DIS3L2: variants seen among roughly 807,000 people sequenced by gnomAD.
The protein encoded by DIS3L2 is DIS3 like 3'-5' exoribonuclease 2.
Under a neutral mutation model 97.5 loss-of-function variants are expected in DIS3L2, and 34 were observed. The observed-to-expected ratio is 0.35, with a 90% CI of 0.27 to 0.46. DIS3L2 has a LOEUF of 0.46. Among genes scored for constraint, DIS3L2 ranks in the 20% least tolerant of loss-of-function variants. The pLI is 1.00. For missense variants in DIS3L2, 1,038 were observed against 1,146.0 expected, an observed-to-expected ratio of 0.91 and a Z score of 1.36; for synonymous variants, 435 against 445.2, an observed-to-expected ratio of 0.98 and a Z score of 0.29.
At chr2:232,316,161 C>A (rs1695269398) in intron 14 of DIS3L2, among the ~76,000 whole-genome samples, 1 of 152,154 alleles carries the variant, frequency 6.6e-6, no homozygotes, top group Non-Finnish European at 1.5e-5. Context: ...TTCACAGTAG[C>A]CTCCTGGGCA....
At chr2:232,219,322 G>C (rs1692431719) in intron 10 of DIS3L2, among the ~76,000 whole-genome samples, 1 of 152,114 alleles carries the variant, frequency 6.6e-6, no homozygotes, top group South Asian at 2.1e-4. Flanking sequence ...TCTACTTCCT[G>C]GTTGCTACCC....
chr2:232,187,663 G>A (rs959103886), intron 9 of DIS3L2, among the ~76,000 whole-genome samples: 8 of 151,848 alleles, frequency 5.3e-5, no homozygotes, highest in African/African-American at 1.5e-4. Context: ...GGATGGTCTC[G>A]ATCTCTTGAC....
chr2:231,987,667 T>A (rs1296922608), intron 1 of DIS3L2, among the ~76,000 whole-genome samples: 1 of 152,158 alleles, frequency 6.6e-6, no homozygotes, highest in Non-Finnish European at 1.5e-5. Flanking sequence ...AGGCCCAGCT[T>A]ATTTCCCTGG....
At chr2:232,034,160 C>G (rs898351025) in intron 5 of DIS3L2, among the ~76,000 whole-genome samples, 7 of 152,086 alleles carry the variant, frequency 4.6e-5, no homozygotes, top group African/African-American at 1.7e-4. Flanking sequence ...TATTATTGGT[C>G]TATTCAGGGA....
intron 10 of DIS3L2, among the ~76,000 whole-genome samples, chr2:232,220,995 G>A (rs186006162): frequency 9.2e-5 from 14 of 151,470 alleles, no homozygotes; most frequent in African/African-American, 2.4e-4. Context: ...CCAGCTACTC[G>A]GGAGGCTGAG....
In DIS3L2 at chr2:232,325,560, G is replaced by A. The variant is rs188105314; in HGVS notation, c.1740-4253G>A. ...AGAGGTGCTGGGAGTGAGTGCCGAG[G>A]AGCTGGGGTCCTGGCCCTGCAGCCA... is the stretch of plus-strand genomic sequence containing the variant. On this transcript the variant is annotated intron_variant, in intron 14 of 20. Coordinates refer to ENST00000325385, the MANE Select transcript of DIS3L2 (RefSeq NM_152383.5). This position sits in a 1 kb window ranked among gnomAD's most constrained non-coding sequence, Gnocchi z 4.6. Among the ~76,000 whole-genome samples the A allele has an allele frequency of 6.6e-6, 1 of 152,246 alleles. No individual in the cohort carries two copies.
intron 1 of DIS3L2, among the ~76,000 whole-genome samples, chr2:231,981,598 T>TTTTATATATATA (rs1271512116): frequency 5.9e-5 from 5 of 84,070 alleles, no homozygotes; most frequent in Non-Finnish European, 9.1e-5. Flanking sequence ...GTTAAGTATT[T>TTTTATATATATA]TATATATATA....
chr2:232,175,967 G>A (rs1056723949), intron 9 of DIS3L2, among the ~76,000 whole-genome samples: 11 of 152,034 alleles, frequency 7.2e-5, no homozygotes, highest in African/African-American at 2.2e-4. Context: ...TCAACTTACT[G>A]CAACCTCCAC....
intron 6 of DIS3L2, among the ~76,000 whole-genome samples, chr2:232,105,715 G>A (rs1005507921): frequency 2.0e-5 from 3 of 152,172 alleles, no homozygotes; most frequent in Non-Finnish European, 4.4e-5. Context: ...AAAATTGTTG[G>A]GATGGAAACC....
chr2:232,337,308 A>T, downstream of DIS3L2: 1 of 544,966 alleles, frequency 1.8e-6, no homozygotes, highest in South Asian at 7.8e-5. Context: ...GGTGGGAGTC[A>T]TGGGTCCTGT....
intron 9 of DIS3L2, among the ~76,000 whole-genome samples, chr2:232,171,924 T>C (rs1423385544): frequency 2.0e-5 from 3 of 152,244 alleles, no homozygotes; most frequent in Non-Finnish European, 2.9e-5. Flanking sequence ...AAATGCCTAC[T>C]GGCAAAAGAC....
At chr2:232,120,570 C>T (rs1273909991) in intron 6 of DIS3L2, among the ~76,000 whole-genome samples, 1 of 152,152 alleles carries the variant, frequency 6.6e-6, no homozygotes, top group Non-Finnish European at 1.5e-5. Flanking sequence ...GCATTGAGCA[C>T]AGTGCCTGGC....
In DIS3L2 at chr2:231,990,149, A is replaced by G. The variant is rs112259183; in HGVS notation, c.-93-24686A>G. 4.8e-3 allele frequency among the ~76,000 whole-genome samples: 735 copies of G among 152,148 alleles called. 8 individuals carry two copies. Among genetic ancestry groups the G allele is most frequent in the African/African-American group, 0.015 (643 of 41,548 alleles). On this transcript the variant is annotated intron_variant, in intron 1 of 20. Transcript: ENST00000325385. ...GGAGCCAAGTGTGAATTCTGACACC[A>G]ATACCTTCCCATGCTTCTTTAGGTT...
At position 232,293,937 on chromosome 2, in the gene DIS3L2, A is replaced by G. The variant is rs906332176; in HGVS notation, c.1660-6103A>G. Among the ~76,000 whole-genome samples, 2 of 152,234 alleles carry G rather than the reference A, an allele frequency of 1.3e-5. No individual in the cohort carries two copies. Among genetic ancestry groups the G allele is most frequent in the Admixed American group, 6.5e-5 (1 of 15,284 alleles). ...GTGTGTCAGTGTCCTTAGGAGAAGC[A>G]TGAGCACAAATTACACAAGGGCAGT... On this transcript the variant is annotated intron_variant, in intron 13 of 20. Transcript: ENST00000325385. The surrounding 1 kb of genome is among the most constrained non-coding windows in gnomAD (Gnocchi z 4.6).
At chr2:232,243,908 G>A (rs1693175173) in intron 11 of DIS3L2, among the ~76,000 whole-genome samples, 1 of 152,126 alleles carries the variant, frequency 6.6e-6, no homozygotes, top group Non-Finnish European at 1.5e-5. Flanking sequence ...TGGCCCCATG[G>A]AACCCTCTAG....
intron 1 of DIS3L2, among the ~76,000 whole-genome samples, chr2:231,976,333 A>C (rs1438747025): frequency 6.6e-6 from 1 of 152,132 alleles, no homozygotes; most frequent in African/African-American, 2.4e-5. Context: ...CATAAGTTGA[A>C]AATGTCATAG....
chr2:232,085,450 C>T (rs2106305094), intron 5 of DIS3L2, among the ~76,000 whole-genome samples: 2 of 152,320 alleles, frequency 1.3e-5, no homozygotes, highest in Middle Eastern at 6.8e-3. Context: ...GGCATTCCAA[C>T]ATTTGTTTGA....
chr2:232,099,306 C>G lies in DIS3L2; in HGVS notation c.601+11585C>G, dbSNP rs150763470. Among the ~76,000 whole-genome samples the G allele has an allele frequency of 4.4e-3, 671 of 152,000 alleles. 3 individuals are homozygous for G. Among genetic ancestry groups the G allele is most frequent in the African/African-American group, 0.015 (611 of 41,432 alleles). On this transcript the variant is annotated intron_variant, in intron 6 of 20. Coordinates refer to ENST00000325385, the MANE Select transcript of DIS3L2 (RefSeq NM_152383.5). The stretch of plus-strand genomic sequence containing the variant: ...TCGTGGCTTACTGTATCCTCTGCCT[C>G]TTGGGTTCAAGTGATTCTCCTGCCT...
In DIS3L2 at chr2:232,297,656, G is replaced by A. The variant is rs542848109; in HGVS notation, c.1660-2384G>A. Among the ~76,000 whole-genome samples, 66 of 151,724 alleles carry A rather than the reference G, an allele frequency of 4.4e-4. 1 individual carries two copies. The highest frequency in any genetic ancestry group is 2.3e-3 in the Admixed American group (35 of 15,260). ...GAAAGTAATCACCTGGAACCTCTCA[G>A]CTAGTGATAGGCACTGTTGCTGTTT... On this transcript the variant is annotated intron_variant, in intron 13 of 20. Transcript: ENST00000325385.
Sources: allele counts gnomAD v4.1 joint callset (sites outside exome capture counted in the v4.1 genomes callset), GRCh38; gene constraint gnomAD v4.1.1; non-coding constraint Gnocchi (gnomAD v3.1); transcripts MANE v1.5; gene names NCBI Gene and HGNC (gene_info 2026-07-23, HGNC 2026-07-21).